WRN: variants seen among roughly 807,000 people sequenced by gnomAD.
WRN encodes the protein bifunctional 3'-5' exonuclease/ATP-dependent helicase WRN.
Under a neutral mutation model 180.7 loss-of-function variants are expected in WRN, and 149 were observed. The observed-to-expected ratio is 0.82, with a 90% CI of 0.72 to 0.94. WRN has a LOEUF of 0.94. WRN is among the 40% of genes least tolerant of loss of function. The pLI is 0.00. For missense variants in WRN, 1,661 were observed against 1,700.1 expected, an observed-to-expected ratio of 0.98 and a Z score of 0.40; for synonymous variants, 548 against 568.9, an observed-to-expected ratio of 0.96 and a Z score of 0.52.
chr8:31,102,726 G>A (rs916022584), intron 18 of WRN, among the ~76,000 whole-genome samples: 2 of 152,092 alleles, frequency 1.3e-5, no homozygotes, highest in East Asian at 1.9e-4. Flanking sequence ...AGTGGCGAGT[G>A]AATGTAAAGG....
chr8:31,077,226 G>A lies in WRN; in HGVS notation c.839+939G>A, dbSNP rs77322082. 6.7e-3 allele frequency among the ~76,000 whole-genome samples: 1,019 copies of A among 152,088 alleles called. 10 individuals carry two copies. Among genetic ancestry groups the A allele is most frequent in the African/African-American group, 0.023 (955 of 41,482 alleles). On this transcript the variant is annotated intron_variant, in intron 8 of 34. Coordinates refer to ENST00000298139, the MANE Select transcript of WRN (RefSeq NM_000553.6). ...TGTTGGTAATTTTTAATGCAACTTG[G>A]ACAATTTCTGAAAGATGTAACTTTC...
chr8:31,120,222 T>G, intron 20 of WRN, 21 bp from the exon 21 acceptor site: 1 of 1,612,122 alleles, frequency 6.2e-7, no homozygotes, highest in Non-Finnish European at 8.5e-7. Flanking sequence ...TTTGTCAAAC[T>G]GTGTTGTGAT....
chr8:31,099,155 T>C (rs2725388), intron 17 of WRN, among the ~76,000 whole-genome samples: 5,629 of 150,384 alleles, frequency 0.037, 399 homozygotes, highest in East Asian at 0.27. Flanking sequence ...TCCCAGCACT[T>C]TGGGAGGCCG....
chr8:31,132,653 A>T, intron 24 of WRN, 147 bp downstream of exon 24: 1 of 1,118,902 alleles, frequency 8.9e-7, no homozygotes, highest in Non-Finnish European at 1.3e-6. Flanking sequence ...CCAGTTAAAC[A>T]CTACATTCAT....
At position 31,142,697 on chromosome 8, in the gene WRN, A is replaced by G; in HGVS notation, c.3305A>G (p.Lys1102Arg). 6.2e-7 allele frequency: 1 copy of G among 1,601,408 alleles called. No individual in the cohort carries two copies. Among genetic ancestry groups the G allele is most frequent in the Non-Finnish European group, 8.5e-7 (1 of 1,173,452 alleles). Residue 1102 changes from lysine (K) to arginine (R), a missense_variant, in exon 27 of 35, where the codon AAG (lysine) becomes AGG (arginine). Around this residue, in one of 3 missense-constraint regions of WRN, gnomAD observed 1,141 missense variants for 1,149.4 expected, o/e 0.99. Coordinates refer to ENST00000298139, the MANE Select transcript of WRN (RefSeq NM_000553.6). ...NQVPVELSTE[K>R]KSNLEKLYSY... ...GTACCAGTTGAATTAAGTACAGAGAAGAAGGTTTGTTTTAAAGAAATTGTT... is the reference window on the plus strand; with the variant it reads ...GTACCAGTTGAATTAAGTACAGAGAGGAAGGTTTGTTTTAAAGAAATTGTT...
chr8:31,100,092 T>C (rs1814160919), intron 17 of WRN, among the ~76,000 whole-genome samples: 1 of 152,212 alleles, frequency 6.6e-6, no homozygotes, highest in African/African-American at 2.4e-5. Flanking sequence ...TTCTTAAGTA[T>C]CAATTTGTTA....
intron 18 of WRN, among the ~76,000 whole-genome samples, chr8:31,107,177 T>C (rs1801128958): frequency 6.6e-6 from 1 of 152,102 alleles, no homozygotes; most frequent in Admixed American, 6.5e-5. Flanking sequence ...AGATGAACAG[T>C]GTTAGTAGTA....
intron 30 of WRN, among the ~76,000 whole-genome samples, chr8:31,148,630 G>A (rs888017786): frequency 7.2e-5 from 11 of 151,936 alleles, no homozygotes; most frequent in African/African-American, 2.2e-4. Flanking sequence ...TGAAGATCTC[G>A]CTTTATTACT....
At chr8:31,162,277 G>T (rs1173174459) in intron 33 of WRN, among the ~76,000 whole-genome samples, 3 of 151,712 alleles carry the variant, frequency 2.0e-5, no homozygotes, top group African/African-American at 7.3e-5. Flanking sequence ...TTTTGATTTT[G>T]TTAAATTTGT....
At chr8:31,067,001 AT>A in intron 5 of WRN, 31 bp from the exon 6 acceptor site, 1 of 1,612,586 alleles carries the variant, frequency 6.2e-7, no homozygotes, top group East Asian at 2.2e-5. Flanking sequence ...ACAGGAACTG[AT>A]TTTACTGTGT....
At chr8:31,079,711 C>T (rs575189216) in intron 8 of WRN, among the ~76,000 whole-genome samples, 2 of 152,100 alleles carry the variant, frequency 1.3e-5, no homozygotes, top group Non-Finnish European at 2.9e-5. Flanking sequence ...CTACTGATGG[C>T]AAATTGATTT....
chr8:31,044,951 G>A (rs1811803337), intron 1 of WRN, among the ~76,000 whole-genome samples: 1 of 152,204 alleles, frequency 6.6e-6, no homozygotes, highest in Admixed American at 6.5e-5. Flanking sequence ...TGACTTGAAG[G>A]TTATGCAGAT....
intron 8 of WRN, among the ~76,000 whole-genome samples, chr8:31,077,582 C>T (rs552095061): frequency 6.6e-6 from 1 of 152,140 alleles, no homozygotes; most frequent in Non-Finnish European, 1.5e-5. Context: ...ACTAGTAAAG[C>T]CATTTCTTAC....
intron 18 of WRN, among the ~76,000 whole-genome samples, chr8:31,104,058 T>C (rs1348107022): frequency 2.0e-5 from 3 of 152,184 alleles, no homozygotes; most frequent in Non-Finnish European, 4.4e-5. Context: ...AATGGGTGAA[T>C]GGTTAAACAA....
At chr8:31,131,124 T>TGTA in intron 23 of WRN, among the ~76,000 whole-genome samples, 1 of 150,606 alleles carries the variant, frequency 6.6e-6, no homozygotes. Context: ...GAGAAAACTA[T>TGTA]GTAGTCAGGA....
chr8:31,147,493 A>C lies in WRN; in HGVS notation c.3572+17A>C. ...CAAAATGAGGTAAACTATCTTTTGC[A>C]TGTGTTCTATTTATTTCCTTCTAAC... On this transcript the variant is annotated intron_variant, in intron 30 of 34. Coordinates refer to ENST00000298139, the MANE Select transcript of WRN (RefSeq NM_000553.6). The C allele has an allele frequency of 6.8e-7, 1 of 1,461,900 alleles. No homozygotes were observed. Among genetic ancestry groups the C allele is most frequent in the Non-Finnish European group, 9.0e-7 (1 of 1,106,612 alleles). The allele number at this position is 1,461,900 out of a possible 1,614,324, so 90.6% of individuals were successfully genotyped here.
At chr8:31,152,763 G>A (rs1803188715) in intron 31 of WRN, among the ~76,000 whole-genome samples, 1 of 152,148 alleles carries the variant, frequency 6.6e-6, no homozygotes, top group African/African-American at 2.4e-5. Flanking sequence ...TCATGGCAAG[G>A]TGCAATCCCT....
At chr8:31,123,598 A>G (rs1249065227) in intron 21 of WRN, among the ~76,000 whole-genome samples, 1 of 152,140 alleles carries the variant, frequency 6.6e-6, no homozygotes, top group East Asian at 1.9e-4. Context: ...ATGCAGAGGT[A>G]TTTAATCAGT....
rs759101476 is a variant in WRN, at chr8:31,141,497, A to G, written c.3035A>G (p.Glu1012Gly). The change falls in exon 25 of 35, where the codon GAG (glutamate) becomes GGG (glycine). Residue 1012 changes from glutamate to glycine, a missense_variant. This residue lies in a region of WRN where 1,141 missense variants were observed against 1,149.4 expected (regional missense o/e 0.99). Transcript: ENST00000298139. ...TTTGGCACTGGCAAGGATCAAACAG[A>G]GAGTTGGTGGAAGGCTTTTTCCCGT... is the stretch of plus-strand genomic sequence containing the variant. The part of the protein sequence containing the change: ...SLFGTGKDQT[E>G]SWWKAFSRQL... The G allele has an allele frequency of 6.2e-7, 1 of 1,613,984 alleles. No homozygotes were observed. Among genetic ancestry groups the G allele is most frequent in the East Asian group, 2.2e-5 (1 of 44,882 alleles).
Sources: gnomAD v4.1 joint callset for allele counts (sites outside exome capture counted in the v4.1 genomes callset) on GRCh38, gnomAD v4.1.1 for gene constraint, gnomAD v4.1.1 regional missense constraint, MANE v1.5 for transcripts, NCBI Gene and HGNC (gene_info 2026-07-23, HGNC 2026-07-21) for gene names.